Variants in MS4A14 observed in about 807,000 individuals in gnomAD.
MS4A14 encodes the protein membrane spanning 4-domains A14.
In MS4A14, 18 loss-of-function variants were observed where a neutral mutation model predicts 16.7. The ratio of observed to expected loss-of-function variants is 1.08; its 90% CI spans 0.75 to 1.60. The LOEUF is 1.60. Ranked by LOEUF, MS4A14 falls within the 40% of genes most tolerant of loss-of-function variation. The pLI is 0.00. For missense variants in MS4A14, 812 were observed against 775.3 expected (o/e 1.05, Z -0.56); for synonymous variants, 305 against 289.4 (o/e 1.05, Z -0.55).
At chr11:60,410,634 T>C (rs2085854916) in intron 4 of MS4A14, among the ~76,000 whole-genome samples, 1 of 152,110 alleles carries the variant, frequency 6.6e-6, no homozygotes, top group Non-Finnish European at 1.5e-5. Flanking sequence ...AAGGTAAGGG[T>C]CCAACTCTAT....
At chr11:60,400,760 G>T (rs2135125767) in intron 3 of MS4A14, among the ~76,000 whole-genome samples, 1 of 152,256 alleles carries the variant, frequency 6.6e-6, no homozygotes, top group Middle Eastern at 3.4e-3. Flanking sequence ...AGAAATATTG[G>T]ACAACATCTG....
rs2085930148 is a variant in MS4A14 at position 60,415,733 on chromosome 11, A to G, written c.765A>G (p.Leu255=). The G allele has an allele frequency of 6.2e-7, 1 of 1,613,898 alleles. No homozygotes were observed. The highest frequency in any genetic ancestry group is 1.3e-5 in the African/African-American group (1 of 75,026). ...AAATTGAACCTTTGCCTCCCACACT[A>G]GAGAAAAAGCCCTCAGAAAATATGT... ...EEEIEPLPPT[L]EKKPSENMSI... is the part of the protein sequence containing the mutation. The change falls in exon 5 of 5, where the codon CTA becomes CTG. Residue 255 remains leucine (L), a synonymous_variant. Coordinates refer to ENST00000300187, the MANE Select transcript of MS4A14 (RefSeq NM_032597.5).
Position 60,416,244 on chromosome 11 carries a change from C to T in MS4A14, c.1276C>T (p.Gln426Ter), listed in dbSNP as rs1198810379. ...LPEASTSHIV[Q>*]FPEIQHLLQQ... ...TGAAGCCTCAACATCCCATATTGTGCAGTTCCCTGAAATACAACACCTACT... is the reference window on the plus strand; with the variant it reads ...TGAAGCCTCAACATCCCATATTGTGTAGTTCCCTGAAATACAACACCTACT... Residue 426 changes from glutamine (Q) to a stop codon, truncating the protein, a stop_gained, in exon 5 of 5, where the codon CAG (glutamine) becomes TAG (stop). Coordinates refer to ENST00000300187, the MANE Select transcript of MS4A14 (RefSeq NM_032597.5). LOFTEE classifies it low-confidence loss of function (END_TRUNC). 6.2e-7 allele frequency: 1 copy of T among 1,613,876 alleles called. No homozygotes were observed. The highest frequency in any genetic ancestry group is 8.5e-7 in the Non-Finnish European group (1 of 1,179,964).
intron 2 of MS4A14, among the ~76,000 whole-genome samples, chr11:60,398,609 GT>G (rs1244995895): frequency 6.6e-6 from 1 of 152,174 alleles, no homozygotes; most frequent in African/African-American, 2.4e-5. Flanking sequence ...GTCTGTTTTA[GT>G]TGTTATATTC....
chr11:60,412,661 T>C (rs2085884697), intron 4 of MS4A14, among the ~76,000 whole-genome samples: 1 of 151,964 alleles, frequency 6.6e-6, no homozygotes, highest in South Asian at 2.1e-4. Flanking sequence ...ATTTTGTTGA[T>C]CTTTTAAAAG....
chr11:60,396,530 C>T lies in MS4A14; in HGVS notation c.-49C>T, dbSNP rs368431455. ...GTGGAGAGGTAGATCATGATTTGGG[C>T]GGCAATGTTTGCTCACTCTTTCCCT... On this transcript the variant is annotated 5_prime_UTR_variant, in exon 1 of 5. Transcript: ENST00000300187. 3.5e-5 allele frequency: 56 copies of T among 1,591,900 alleles called. No individual in the cohort carries two copies. Among genetic ancestry groups the T allele is most frequent in the Middle Eastern group, 3.4e-4 (2 of 5,946 alleles).
At position 60,415,684 on chromosome 11, in the gene MS4A14, C is replaced by G; in HGVS notation, c.716C>G (p.Pro239Arg). 6.2e-7 allele frequency: 1 copy of G among 1,613,888 alleles called. No individual in the cohort carries two copies. The highest frequency in any genetic ancestry group is 2.2e-5 in the East Asian group (1 of 44,868). Residue 239 changes from proline (P) to arginine (R), a missense_variant, in exon 5 of 5, where the codon CCA becomes CGA. Coordinates refer to ENST00000300187, the MANE Select transcript of MS4A14 (RefSeq NM_032597.5). ...VPDEQKQSIL[P>R]SPKFSEEEIE... ...GATGAACAAAAGCAAAGTATCCTTCCATCTCCCAAATTTTCAGAGGAAGAA... is the reference window on the plus strand; with the variant it reads ...GATGAACAAAAGCAAAGTATCCTTCGATCTCCCAAATTTTCAGAGGAAGAA...
chr11:60,405,211 C>T (rs917696359), intron 4 of MS4A14, among the ~76,000 whole-genome samples: 3 of 152,096 alleles, frequency 2.0e-5, no homozygotes, highest in African/African-American at 4.8e-5. Flanking sequence ...TCCCGAGTAG[C>T]TGGGATTACA....
Position 60,402,951 on chromosome 11 carries a change from G to C in MS4A14, c.358G>C (p.Val120Leu), listed in dbSNP as rs1565174785. 1.2e-6 allele frequency: 2 copies of C among 1,613,664 alleles called. No individual in the cohort carries two copies. The highest frequency in any genetic ancestry group is 3.3e-5 in the Admixed American group (2 of 59,988). Reference protein sequence around the residue: ...VTGMNVISSLVAITGITFTIL... With the variant: ...VTGMNVISSLLAITGITFTIL... ...GGGCATGAATGTTATCAGCTCCTTG[G>C]TTGCGATAACTGGGATTACTTTCAC... is the stretch of plus-strand genomic sequence containing the variant. The change falls in exon 4 of 5, where the codon GTT becomes CTT. Residue 120 changes from valine to leucine, a missense_variant. Val to Leu is a conservative substitution (Grantham distance 32, BLOSUM62 1). Coordinates refer to ENST00000300187, the MANE Select transcript of MS4A14 (RefSeq NM_032597.5).
chr11:60,401,317 G>A (rs1263708139), intron 3 of MS4A14, among the ~76,000 whole-genome samples: 7 of 152,320 alleles, frequency 4.6e-5, no homozygotes, highest in Admixed American at 6.5e-5. Context: ...AAGGCATAGA[G>A]ACATTCTGAG....
Position 60,415,569 on chromosome 11 carries a change from A to C in MS4A14, c.601A>C (p.Ile201Leu). 3.1e-6 allele frequency: 5 copies of C among 1,613,792 alleles called. No homozygotes were observed. Among genetic ancestry groups the C allele is most frequent in the Non-Finnish European group, 4.2e-6 (5 of 1,179,782 alleles). The change falls in exon 5 of 5, where the codon ATC (isoleucine) becomes CTC (leucine). Residue 201 changes from isoleucine to leucine, a missense_variant. Ile to Leu is a conservative substitution (Grantham distance 5). Transcript: ENST00000300187. ...TTCAACAACAAATGCACAATCTGTT[A>C]TCTTTGGAGGCTATGCTTTCTTCAA... ...DDSTTNAQSV[I>L]FGGYAFFKLT...
rs1311642773 is a variant in MS4A14 at position 60,416,209 on chromosome 11, C to T, written c.1241C>T (p.Ala414Val). 3.1e-6 allele frequency: 5 copies of T among 1,613,872 alleles called. No homozygotes were observed. Among genetic ancestry groups the T allele is most frequent in the Admixed American group, 1.7e-5 (1 of 59,920 alleles). The change falls in exon 5 of 5, where the codon GCC becomes GTC. Residue 414 changes from alanine (A) to valine (V), a missense_variant. Transcript: ENST00000300187. The stretch of plus-strand genomic sequence containing the variant: ...CTATCCCAAGCTCTATCAGCGCATG[C>T]CATATTACCTGAAGCCTCAACATCC... ...DMLSQALSAHAILPEASTSHI... is the reference protein window; with the variant it reads ...DMLSQALSAHVILPEASTSHI...
Position 60,416,087 on chromosome 11 carries a change from T to C in MS4A14, c.1119T>C (p.His373=). The C allele has an allele frequency of 6.2e-7, 1 of 1,610,608 alleles. No individual in the cohort carries two copies. The highest frequency in any genetic ancestry group is 8.5e-7 in the Non-Finnish European group (1 of 1,178,288). ...QDTSSQDMLF[H]DMTSQDMQSL... is the part of the protein sequence containing the mutation. Reference sequence around the variant, plus strand: ...CATCATCTCAAGATATGCTGTTTCATGACATGACATCCCAAGATATGCAAT... The same window carrying C: ...CATCATCTCAAGATATGCTGTTTCACGACATGACATCCCAAGATATGCAAT... Residue 373 remains histidine, a synonymous_variant, in exon 5 of 5, where the codon CAT becomes CAC. Transcript: ENST00000300187.
At chr11:60,398,294 T>A (rs1182649697) in intron 2 of MS4A14, 2 of 197,140 alleles carry the variant, frequency 1.0e-5, no homozygotes, top group Non-Finnish European at 2.1e-5. Flanking sequence ...GAAACTGAGC[T>A]CAAAAGTAGA....
intron 2 of MS4A14, chr11:60,398,197 C>T (rs1225047870): frequency 4.7e-6 from 2 of 422,236 alleles, no homozygotes; most frequent in Non-Finnish European, 8.6e-6. Flanking sequence ...TTCCAAAGCC[C>T]TTGTGTGTAT....
chr11:60,408,023 T>A (rs180921155), intron 4 of MS4A14, among the ~76,000 whole-genome samples: 22 of 152,362 alleles, frequency 1.4e-4, no homozygotes, highest in East Asian at 1.2e-3. Flanking sequence ...TTTTAGCTTT[T>A]GTGTTTAGAT....
At chr11:60,411,247 A>G (rs945211072) in intron 4 of MS4A14, among the ~76,000 whole-genome samples, 4 of 152,202 alleles carry the variant, frequency 2.6e-5, no homozygotes, top group African/African-American at 9.7e-5. Flanking sequence ...TTGGCTATTC[A>G]GGGCCTCTTA....
At chr11:60,405,927 G>A (rs1385948228) in intron 4 of MS4A14, 1 of 1,534,932 alleles carries the variant, frequency 6.5e-7, no homozygotes, top group Non-Finnish European at 8.7e-7. Flanking sequence ...GCATAGCAGA[G>A]CTCAGCATCT....
At chr11:60,415,387 A>T (rs762148908) in intron 4 of MS4A14, 50 bp from the exon 5 acceptor site, 3 of 1,521,626 alleles carry the variant, frequency 2.0e-6, no homozygotes, top group South Asian at 1.4e-5. Flanking sequence ...ACAAAAAAAA[A>T]ATCAGACATG....
Sources: allele counts gnomAD v4.1 joint callset (sites outside exome capture counted in the v4.1 genomes callset), GRCh38; gene constraint gnomAD v4.1.1; transcripts MANE v1.5; gene names NCBI Gene and HGNC (gene_info 2026-07-23, HGNC 2026-07-21).